Variants in FOXO3 observed in about 807,000 individuals in gnomAD.
The protein encoded by FOXO3 is forkhead box protein O3.
FOXO3 carries 4 observed loss-of-function variants against 41.9 expected under a neutral mutation model. That is an observed-to-expected ratio of 0.10 (90% CI 0.05 to 0.22). FOXO3 has a LOEUF of 0.22. Ranked by LOEUF, FOXO3 falls within the 10% of genes least tolerant of loss-of-function variation. FOXO3 has a pLI of 1.00. For synonymous variants in FOXO3, 318 were observed against 389.3 expected (o/e 0.82, Z 2.16); for missense variants, 534 against 906.8 (o/e 0.59, Z 5.28).
chr6:108,588,556 C>G (rs1323454128), intron 1 of FOXO3, among the ~76,000 whole-genome samples: 2 of 152,224 alleles, frequency 1.3e-5, no homozygotes, highest in African/African-American at 4.8e-5. Flanking sequence ...GTCTTCCCTT[C>G]TTCCTCTGGT....
At chr6:108,574,020 G>C (rs1406088139) in intron 1 of FOXO3, among the ~76,000 whole-genome samples, 6 of 152,010 alleles carry the variant, frequency 3.9e-5, no homozygotes, top group Non-Finnish European at 8.8e-5. Flanking sequence ...GGGCGTGGTG[G>C]CACATGCCTG....
intron 1 of FOXO3, among the ~76,000 whole-genome samples, chr6:108,619,256 C>T (rs1432249456): frequency 6.6e-6 from 1 of 152,230 alleles, no homozygotes; most frequent in East Asian, 1.9e-4. Context: ...TTATGTAACA[C>T]AGACGTGGCA....
intron 1 of FOXO3, among the ~76,000 whole-genome samples, chr6:108,568,362 C>T (rs1024407142): frequency 1.3e-5 from 2 of 152,122 alleles, no homozygotes; most frequent in Non-Finnish European, 2.9e-5. Context: ...TTCTCCTCCC[C>T]TCTTCTAGGC....
At chr6:108,643,682 A>G (rs12207868) in intron 1 of FOXO3, among the ~76,000 whole-genome samples, 14,762 of 152,184 alleles carry the variant, frequency 0.097, 748 homozygotes, top group East Asian at 0.15. Flanking sequence ...GATAGCAAGA[A>G]TGATTGGTGT....
At chr6:108,617,052 C>T (rs1009086535) in intron 1 of FOXO3, among the ~76,000 whole-genome samples, 3 of 151,946 alleles carry the variant, frequency 2.0e-5, no homozygotes, top group Admixed American at 6.6e-5. Flanking sequence ...GAATTGTTTC[C>T]AGTTTTTAGC....
intron 1 of FOXO3, among the ~76,000 whole-genome samples, chr6:108,565,480 C>A (rs1021068775): frequency 6.6e-6 from 1 of 152,200 alleles, no homozygotes; most frequent in Non-Finnish European, 1.5e-5. Flanking sequence ...TCTAAGGACG[C>A]CAGGGCTTAC....
At chr6:108,653,016 G>A (rs1778588007) in intron 1 of FOXO3, among the ~76,000 whole-genome samples, 1 of 152,122 alleles carries the variant, frequency 6.6e-6, no homozygotes, top group African/African-American at 2.4e-5. Context: ...TTATTCTAGA[G>A]ACCTTAAAGC....
upstream of FOXO3, among the ~76,000 whole-genome samples, chr6:108,560,426 C>G (rs1562223004): frequency 6.6e-6 from 1 of 152,238 alleles, no homozygotes; most frequent in Non-Finnish European, 1.5e-5. Flanking sequence ...GCTGCTCCCC[C>G]TTCTTTCTGT....
At chr6:108,636,531 G>GT (rs1054703606) in intron 1 of FOXO3, among the ~76,000 whole-genome samples, 1 of 151,878 alleles carries the variant, frequency 6.6e-6, no homozygotes. Flanking sequence ...ATCTTAGAGT[G>GT]TTTTTTCAGC....
intron 1 of FOXO3, among the ~76,000 whole-genome samples, chr6:108,599,472 T>C (rs1291261240): frequency 1.3e-5 from 2 of 152,232 alleles, no homozygotes; most frequent in Non-Finnish European, 2.9e-5. Context: ...ATTTTCATAA[T>C]GCTTCTTATA....
intron 2 of FOXO3, among the ~76,000 whole-genome samples, chr6:108,671,311 A>T (rs979249162): frequency 1.3e-5 from 2 of 152,184 alleles, no homozygotes; most frequent in African/African-American, 4.8e-5. Flanking sequence ...TGAGTTCATC[A>T]CGGTTGGACA....
At chr6:108,678,233 C>T (rs1174721263) in intron 2 of FOXO3, among the ~76,000 whole-genome samples, 1 of 152,194 alleles carries the variant, frequency 6.6e-6, no homozygotes, top group East Asian at 1.9e-4. Context: ...GGTACAACCT[C>T]TAAAGGTGGG....
intron 2 of FOXO3, among the ~76,000 whole-genome samples, chr6:108,675,476 A>C (rs2128391971): frequency 6.6e-6 from 1 of 152,288 alleles, no homozygotes; most frequent in Non-Finnish European, 1.5e-5. Context: ...CAGCCTTTAC[A>C]CAAGTCAAGC....
intron 1 of FOXO3, among the ~76,000 whole-genome samples, chr6:108,603,717 G>A (rs767294625): frequency 3.0e-4 from 45 of 152,050 alleles, no homozygotes; most frequent in Admixed American, 6.6e-5. Flanking sequence ...TTGGGGTTTT[G>A]GGTAGAGCAT....
At chr6:108,657,406 G>A (rs1478590205) in intron 1 of FOXO3, among the ~76,000 whole-genome samples, 1 of 152,172 alleles carries the variant, frequency 6.6e-6, no homozygotes, top group Non-Finnish European at 1.5e-5. Context: ...AGCTTCTTTA[G>A]TGAGTAACTG....
intron 1 of FOXO3, among the ~76,000 whole-genome samples, chr6:108,574,919 ACT>A (rs1386766713): frequency 1.3e-5 from 2 of 152,120 alleles, no homozygotes; most frequent in East Asian, 3.9e-4. Flanking sequence ...ATAGACTGAA[ACT>A]CTGTGATAAA....
intron 1 of FOXO3, among the ~76,000 whole-genome samples, chr6:108,607,701 A>G (rs962284129): frequency 6.6e-6 from 1 of 152,200 alleles, no homozygotes; most frequent in Admixed American, 6.5e-5. Flanking sequence ...AGTAGAATAT[A>G]AGCATCCTTC....
At chr6:108,582,924 G>C (rs1359481851) in intron 1 of FOXO3, among the ~76,000 whole-genome samples, 1 of 152,162 alleles carries the variant, frequency 6.6e-6, no homozygotes, top group Admixed American at 6.5e-5. Context: ...TTTTCTAGGG[G>C]AAGGACTAAT....
chr6:108,630,063 C>A (rs1405793906), intron 1 of FOXO3, among the ~76,000 whole-genome samples: 1 of 152,180 alleles, frequency 6.6e-6, no homozygotes, highest in African/African-American at 2.4e-5. Context: ...TATGTTGCTC[C>A]TTCCTGAGAG....
Sources: gnomAD v4.1 joint callset for allele counts (sites outside exome capture counted in the v4.1 genomes callset) on GRCh38, gnomAD v4.1.1 for gene constraint, MANE v1.5 for transcripts, NCBI Gene and HGNC (gene_info 2026-07-23, HGNC 2026-07-21) for gene names.